The following GPHN variants were observed in gnomAD, a reference collection of about 807,000 sequenced individuals.
GPHN encodes gephyrin.
Under a neutral mutation model 95.5 loss-of-function variants are expected in GPHN, and 17 were observed. The ratio of observed to expected loss-of-function variants is 0.18; its 90% CI spans 0.12 to 0.27. The LOEUF is 0.27. Among genes scored for constraint, GPHN ranks in the 10% least tolerant of loss-of-function variants. The pLI, the probability that GPHN is intolerant of heterozygous loss-of-function variation, is 1.00. For missense variants in GPHN, 660 were observed against 978.1 expected, an observed-to-expected ratio of 0.67 and a Z score of 4.34; for synonymous variants, 320 against 322.5, an observed-to-expected ratio of 0.99 and a Z score of 0.08.
At chr14:66,791,166 T>C (rs1344148313) in intron 3 of GPHN, among the ~76,000 whole-genome samples, 1 of 152,154 alleles carries the variant, frequency 6.6e-6, no homozygotes, top group Non-Finnish European at 1.5e-5. Context: ...AAGTTGGGAC[T>C]CAAACCCAAT....
chr14:66,671,086 T>C (rs925882753), intron 1 of GPHN, among the ~76,000 whole-genome samples: 2 of 152,264 alleles, frequency 1.3e-5, no homozygotes, highest in African/African-American at 4.8e-5. Context: ...CATGTTCATC[T>C]GTTAATGCTA....
At chr14:66,591,832 G>T (rs1028884090) in intron 1 of GPHN, among the ~76,000 whole-genome samples, 2 of 152,174 alleles carry the variant, frequency 1.3e-5, no homozygotes, top group South Asian at 4.1e-4. Flanking sequence ...AACCAGAAAA[G>T]AGGCTATATA....
chr14:67,492,936 A>C, the GPHN span, among the ~76,000 whole-genome samples: 1 of 152,206 alleles, frequency 6.6e-6, no homozygotes, highest in South Asian at 2.1e-4. Flanking sequence ...ATAAGTTTTA[A>C]TATTATGCCA....
the GPHN span, among the ~76,000 whole-genome samples, chr14:67,508,752 T>TAAAAAAAAAAAAAAA: frequency 5.3e-5 from 1 of 18,866 alleles, no homozygotes; most frequent in Non-Finnish European, 1.7e-4. Context: ...AAACCTTGTC[T>TAAAAAAAAAAAAAAA]CAAAAAAAAA....
At chr14:67,718,543 C>T in the GPHN span, among the ~76,000 whole-genome samples, 1 of 152,148 alleles carries the variant, frequency 6.6e-6, no homozygotes, top group South Asian at 2.1e-4. Context: ...ATGGCTGATC[C>T]GGGAACCTGA....
chr14:67,243,996 A>G, the GPHN span, among the ~76,000 whole-genome samples: 5 of 152,136 alleles, frequency 3.3e-5, no homozygotes, highest in Non-Finnish European at 1.5e-5. Context: ...TCCATATTCT[A>G]AGTCTCCATA....
At chr14:67,678,658 T>C in the GPHN span, among the ~76,000 whole-genome samples, 1 of 152,222 alleles carries the variant, frequency 6.6e-6, no homozygotes, top group South Asian at 2.1e-4. Flanking sequence ...GTTTGATATA[T>C]AATGCATACA....
the GPHN span, among the ~76,000 whole-genome samples, chr14:67,511,376 AT>A: frequency 6.6e-6 from 1 of 152,182 alleles, no homozygotes; most frequent in East Asian, 1.9e-4. Flanking sequence ...AAAAACTGTC[AT>A]GCTTCTAGAA....
the GPHN span, among the ~76,000 whole-genome samples, chr14:67,379,654 C>CTTTTTTTTTTTTTTTTTTTTTTTTTT: frequency 3.3e-5 from 4 of 119,956 alleles, 2 homozygotes; most frequent in African/African-American, 1.4e-4. Flanking sequence ...TTTTCTTTTT[C>CTTTTTTTTTTTTTTTTTTTTTTTTTT]TTTTTTTTTT....
intron 1 of GPHN, among the ~76,000 whole-genome samples, chr14:66,610,165 T>G (rs1334029653): frequency 6.6e-6 from 1 of 152,186 alleles, no homozygotes; most frequent in Non-Finnish European, 1.5e-5. Context: ...GAGTAGATTC[T>G]TTCCCTGGGT....
At chr14:67,592,777 TTC>T in the GPHN span, 1 of 1,044,074 alleles carries the variant, frequency 9.6e-7, no homozygotes, top group Non-Finnish European at 1.5e-6. Context: ...CATTCTTTTT[TTC>T]TTTTTCCTTT....
chr14:67,656,667 C>G, the GPHN span: 1 of 1,468,438 alleles, frequency 6.8e-7, no homozygotes, highest in East Asian at 2.3e-5. Context: ...ATCACCTTCC[C>G]CATGTTAGAA....
At chr14:66,981,977 C>T (rs2070713228) in intron 9 of GPHN, among the ~76,000 whole-genome samples, 2 of 152,100 alleles carry the variant, frequency 1.3e-5, no homozygotes, top group Non-Finnish European at 2.9e-5. Context: ...TTTTCTAAAA[C>T]ATTTTCACTA....
the GPHN span, among the ~76,000 whole-genome samples, chr14:67,707,683 T>G: frequency 1.1e-4 from 17 of 152,204 alleles, no homozygotes; most frequent in African/African-American, 3.6e-4. Flanking sequence ...TTAAATTGGC[T>G]TTGATGAAAC....
the GPHN span, among the ~76,000 whole-genome samples, chr14:67,276,167 A>C: frequency 2.7e-5 from 4 of 150,744 alleles, no homozygotes; most frequent in African/African-American, 9.9e-5. Context: ...TCCTCTGCTT[A>C]AAATGTTTTA....
At chr14:67,561,725 C>G in the GPHN span, among the ~76,000 whole-genome samples, 1 of 151,860 alleles carries the variant, frequency 6.6e-6, no homozygotes, top group Non-Finnish European at 1.5e-5. Context: ...ACGAAATTAA[C>G]TGGGCCTGGT....
At chr14:67,217,296 CT>C in the GPHN span, among the ~76,000 whole-genome samples, 2,297 of 152,100 alleles carry the variant, frequency 0.015, 26 homozygotes, top group Middle Eastern at 0.088. Context: ...CTATATGCAT[CT>C]TTACAGGTGA....
intron 1 of GPHN, among the ~76,000 whole-genome samples, chr14:66,617,878 G>C (rs896795312): frequency 1.3e-5 from 2 of 152,028 alleles, no homozygotes; most frequent in Non-Finnish European, 2.9e-5. Flanking sequence ...GATATATTTT[G>C]TAATAACTGG....
chr14:67,094,667 G>A (rs2077278032), intron 12 of GPHN, among the ~76,000 whole-genome samples: 1 of 152,004 alleles, frequency 6.6e-6, no homozygotes, highest in Non-Finnish European at 1.5e-5. Flanking sequence ...TTTAAAACCT[G>A]TTTCTTTCAT....
Sources: gnomAD v4.1 joint callset for allele counts (sites outside exome capture counted in the v4.1 genomes callset) on GRCh38, gnomAD v4.1.1 for gene constraint, MANE v1.5 for transcripts, NCBI Gene and HGNC (gene_info 2026-07-23, HGNC 2026-07-21) for gene names.